The following ARHGAP19 variants were observed in gnomAD, a reference collection of about 807,000 sequenced individuals.
ARHGAP19 encodes the protein rho GTPase-activating protein 19.
Under a neutral mutation model 60.9 loss-of-function variants are expected in ARHGAP19, and 48 were observed. That is an observed-to-expected ratio of 0.79 (90% CI 0.62 to 1.00). The LOEUF (loss-of-function observed/expected upper bound fraction) is 1.00, where lower values mean the gene tolerates loss of function less well. Ranked by LOEUF, ARHGAP19 falls within the 50% of genes least tolerant of loss-of-function variation. The probability of loss-of-function intolerance (pLI) is 0.00; values close to 1 mark genes in which losing one functional copy is unlikely to be tolerated. For missense variants in ARHGAP19, 562 were observed against 597.2 expected, an observed-to-expected ratio of 0.94 and a Z score of 0.61; for synonymous variants, 209 against 215.5, an observed-to-expected ratio of 0.97 and a Z score of 0.27.
At chr10:97,291,889 G>C (rs1008579988) in intron 1 of ARHGAP19, among the ~76,000 whole-genome samples, 2 of 152,026 alleles carry the variant, frequency 1.3e-5, no homozygotes, top group African/African-American at 4.8e-5. Context: ...CGGTGTGGCT[G>C]TTTAGGAAAG....
intron 6 of ARHGAP19, among the ~76,000 whole-genome samples, chr10:97,246,869 G>T (rs1842571271): frequency 6.6e-6 from 1 of 152,020 alleles, no homozygotes. Context: ...CCAGCACGGT[G>T]GCTCATGCCT....
At position 97,292,551 on chromosome 10, in the gene ARHGAP19, A is replaced by T. The variant is rs182879474; in HGVS notation, c.56+21T>A. On this transcript the variant is annotated intron_variant, in intron 1 of 11. Coordinates refer to ENST00000358531, the MANE Select transcript of ARHGAP19 (RefSeq NM_032900.6). ...AGCCCAAGGCCGCGTTTCCCAGGAAACTGGACCAAACTCAGCTCACCTCCG... is the reference window on the plus strand; with the variant it reads ...AGCCCAAGGCCGCGTTTCCCAGGAATCTGGACCAAACTCAGCTCACCTCCG... 1.1e-5 allele frequency: 18 copies of T among 1,614,124 alleles called. No individual in the cohort carries two copies. In the Middle Eastern group the frequency reaches 9.9e-4, roughly 89 times the overall value.
At chr10:97,239,129 C>G (rs905814692) in intron 8 of ARHGAP19, among the ~76,000 whole-genome samples, 7 of 152,266 alleles carry the variant, frequency 4.6e-5, no homozygotes. Flanking sequence ...GATGTTCACA[C>G]AACAATGAAA....
chr10:97,232,693 C>T (rs1458336361), intron 9 of ARHGAP19, among the ~76,000 whole-genome samples: 1 of 151,950 alleles, frequency 6.6e-6, no homozygotes, highest in African/African-American at 2.4e-5. Context: ...TTCTAGATAT[C>T]TATAAATTAT....
At chr10:97,272,293 C>G (rs919410083) in intron 1 of ARHGAP19, among the ~76,000 whole-genome samples, 13 of 151,964 alleles carry the variant, frequency 8.6e-5, no homozygotes, top group Admixed American at 2.0e-4. Context: ...GCCACCCCAC[C>G]CATCTAATTT....
At chr10:97,283,373 G>A (rs1038312271) in intron 1 of ARHGAP19, among the ~76,000 whole-genome samples, 16 of 151,626 alleles carry the variant, frequency 1.1e-4, no homozygotes, top group African/African-American at 3.9e-4. Flanking sequence ...TGGCCAACAT[G>A]GTGATACCCC....
intron 6 of ARHGAP19, among the ~76,000 whole-genome samples, chr10:97,248,397 G>A (rs1325956618): frequency 6.6e-6 from 1 of 151,598 alleles, no homozygotes; most frequent in Non-Finnish European, 1.5e-5. Flanking sequence ...CTGGGTGACA[G>A]AGTGAAAATC....
At chr10:97,265,131 G>A (rs1332381683) in intron 2 of ARHGAP19, among the ~76,000 whole-genome samples, 2 of 152,150 alleles carry the variant, frequency 1.3e-5, no homozygotes, top group Non-Finnish European at 2.9e-5. Context: ...TGAAGGGAAA[G>A]ACCATCTTCT....
intron 1 of ARHGAP19, among the ~76,000 whole-genome samples, chr10:97,269,205 T>C (rs1005060336): frequency 2.0e-5 from 3 of 152,220 alleles, no homozygotes; most frequent in African/African-American, 7.2e-5. Context: ...ACATGGATAA[T>C]TGTTAATAAC....
At chr10:97,235,556 C>G (rs1851115386) in intron 8 of ARHGAP19, among the ~76,000 whole-genome samples, 5 of 152,108 alleles carry the variant, frequency 3.3e-5, no homozygotes, top group African/African-American at 4.8e-5. Context: ...TGTCCCCATT[C>G]TACAGACAAA....
intron 7 of ARHGAP19, 115 bp from the exon 8 acceptor site, chr10:97,244,274 C>CCTG: frequency 1.4e-6 from 1 of 731,888 alleles, no homozygotes; most frequent in South Asian, 2.2e-5. Context: ...TACTCCTATA[C>CCTG]TCAGGAACAA....
At chr10:97,240,763 A>G (rs1713159795) in intron 8 of ARHGAP19, among the ~76,000 whole-genome samples, 1 of 152,240 alleles carries the variant, frequency 6.6e-6, no homozygotes, top group South Asian at 2.1e-4. Context: ...AATATACATT[A>G]TGATTTTTTC....
intron 1 of ARHGAP19, among the ~76,000 whole-genome samples, chr10:97,269,521 A>G (rs1572437): frequency 0.6 from 90,822 of 152,016 alleles, 27,413 homozygotes; most frequent in East Asian, 0.74. Flanking sequence ...AATTAGAATT[A>G]GAAGCAACTT....
chr10:97,250,369 TG>T (rs1842626189), intron 6 of ARHGAP19, among the ~76,000 whole-genome samples: 1 of 145,456 alleles, frequency 6.9e-6, no homozygotes. Context: ...AAACATGATA[TG>T]TATAGTTTAA....
intron 1 of ARHGAP19, among the ~76,000 whole-genome samples, 191 bp downstream of exon 1, chr10:97,292,381 G>C (rs1303719690): frequency 6.6e-6 from 1 of 152,214 alleles, no homozygotes; most frequent in African/African-American, 2.4e-5. Flanking sequence ...AGGACCGAGC[G>C]GGGGGTTTGG....
intron 1 of ARHGAP19, 138 bp downstream of exon 1, chr10:97,292,434 C>G: frequency 8.6e-7 from 1 of 1,162,290 alleles, no homozygotes; most frequent in East Asian, 2.5e-5. Flanking sequence ...CCTCAGCCCC[C>G]GCAGGCGCGA....
chr10:97,241,391 T>C (rs1264200745), intron 8 of ARHGAP19, among the ~76,000 whole-genome samples: 1 of 127,942 alleles, frequency 7.8e-6, no homozygotes, highest in African/African-American at 3.0e-5. Flanking sequence ...ACTCCATCTT[T>C]AAAAAAAAGA....
chr10:97,282,520 G>A (rs1843098419), intron 1 of ARHGAP19, among the ~76,000 whole-genome samples: 1 of 152,124 alleles, frequency 6.6e-6, no homozygotes, highest in South Asian at 2.1e-4. Flanking sequence ...ACATATAACT[G>A]AAGAATCCTA....
At chr10:97,265,204 TAACA>T (rs1285321961) in intron 2 of ARHGAP19, among the ~76,000 whole-genome samples, 1 of 152,034 alleles carries the variant, frequency 6.6e-6, no homozygotes, top group Non-Finnish European at 1.5e-5. Flanking sequence ...GTATTTAATT[TAACA>T]AACAAACAGA....
Sources: allele counts gnomAD v4.1 joint callset (sites outside exome capture counted in the v4.1 genomes callset), GRCh38; gene constraint gnomAD v4.1.1; transcripts MANE v1.5; gene names NCBI Gene and HGNC (gene_info 2026-07-23, HGNC 2026-07-21).